The following ST7 variants were observed in gnomAD, a reference collection of about 807,000 sequenced individuals.
ST7 encodes the protein suppressor of tumorigenicity 7 protein.
ST7 carries 28 observed loss-of-function variants against 78.7 expected under a neutral mutation model. That is an observed-to-expected ratio of 0.36 (90% CI 0.26 to 0.49). The LOEUF (loss-of-function observed/expected upper bound fraction) is 0.49, where lower values mean the gene tolerates loss of function less well. Ranked by LOEUF, ST7 falls within the 20% of genes least tolerant of loss-of-function variation. ST7 has a pLI of 0.99. For synonymous variants in ST7, 247 were observed against 249.6 expected, an observed-to-expected ratio of 0.99 and a Z score of 0.10; for missense variants, 418 against 696.0, an observed-to-expected ratio of 0.60 and a Z score of 4.49.
chr7:117,122,771 G>A (rs945362827), intron 3 of ST7, among the ~76,000 whole-genome samples: 8 of 152,166 alleles, frequency 5.3e-5, no homozygotes, highest in African/African-American at 1.9e-4. Flanking sequence ...TGCTAGTTTG[G>A]AAGTGCCAGA....
chr7:117,020,532 C>T (rs956172870), intron 1 of ST7: 2 of 1,530,810 alleles, frequency 1.3e-6, no homozygotes, highest in African/African-American at 2.8e-5. Context: ...CACATGTACA[C>T]TCTCCTCGCT....
intron 2 of ST7, among the ~76,000 whole-genome samples, chr7:117,103,199 A>G (rs565349179): frequency 6.6e-6 from 1 of 152,300 alleles, no homozygotes; most frequent in South Asian, 2.1e-4. Flanking sequence ...TACTTATTTA[A>G]TGCAATCCCT....
In ST7 at chr7:117,189,888, C is replaced by T. The variant is rs374007714; in HGVS notation, c.1151+495C>T. ...CAATGGTACGTTTGCCTATTTTGTT[C>T]AGGCAGGTGACTATGACATATAGAC... On this transcript the variant is annotated intron_variant, in intron 11 of 15. Coordinates refer to ENST00000323984, the MANE Select transcript of ST7 (RefSeq NM_001369598.1). Among the ~76,000 whole-genome samples, 13 of 152,130 alleles carry T rather than the reference C, an allele frequency of 8.5e-5. No individual in the cohort carries two copies. The East Asian group carries it at 1.4e-3, about 16-fold the overall frequency.
chr7:117,162,502 G>C (rs530531825), intron 9 of ST7, among the ~76,000 whole-genome samples: 1 of 148,326 alleles, frequency 6.7e-6, no homozygotes, highest in African/African-American at 2.5e-5. Flanking sequence ...ATCCGCACAC[G>C]GGGGATATTT....
At chr7:116,972,428 T>C in intron 1 of ST7, 1 of 724,968 alleles carries the variant, frequency 1.4e-6, no homozygotes, top group Non-Finnish European at 2.4e-6. Flanking sequence ...TCCATCAGTC[T>C]GATCTGCTCA....
intron 2 of ST7, among the ~76,000 whole-genome samples, chr7:117,103,410 G>GC (rs1394015392): frequency 6.6e-6 from 1 of 152,144 alleles, no homozygotes; most frequent in Non-Finnish European, 1.5e-5. Context: ...CAGACACATA[G>GC]CAATGGAACA....
chr7:117,180,050 C>A (rs1808632902), intron 10 of ST7, among the ~76,000 whole-genome samples: 1 of 152,194 alleles, frequency 6.6e-6, no homozygotes, highest in Admixed American at 6.6e-5. Flanking sequence ...AAATGGGAAT[C>A]CTAGTGCAGA....
At chr7:116,981,798 A>C (rs553646835) in intron 1 of ST7, among the ~76,000 whole-genome samples, 1 of 152,348 alleles carries the variant, frequency 6.6e-6, no homozygotes, top group Non-Finnish European at 1.5e-5. Flanking sequence ...TACATAAACC[A>C]GGAATATAGT....
At chr7:117,036,765 C>T (rs2116242936) in intron 1 of ST7, among the ~76,000 whole-genome samples, 1 of 152,100 alleles carries the variant, frequency 6.6e-6, no homozygotes. Context: ...TTTGGCTGCC[C>T]ACTTGGTATT....
At chr7:117,064,533 G>A (rs560856293) in intron 1 of ST7, among the ~76,000 whole-genome samples, 3 of 152,254 alleles carry the variant, frequency 2.0e-5, no homozygotes, top group East Asian at 3.9e-4. Context: ...CAACGTGTTG[G>A]GGTTTGCAGG....
At chr7:117,205,389 T>G (rs1034754322) in intron 12 of ST7, among the ~76,000 whole-genome samples, 1 of 152,228 alleles carries the variant, frequency 6.6e-6, no homozygotes, top group Admixed American at 6.5e-5. Flanking sequence ...CCTGTTTTTT[T>G]TCACATTTTG....
intron 9 of ST7, among the ~76,000 whole-genome samples, chr7:117,158,268 G>T (rs912537242): frequency 4.6e-5 from 7 of 152,176 alleles, no homozygotes; most frequent in African/African-American, 1.7e-4. Flanking sequence ...AAACGGAAAA[G>T]GAAGTTTTAC....
intron 1 of ST7, chr7:117,022,926 G>C (rs1454391279): frequency 1.3e-5 from 2 of 152,122 alleles, no homozygotes; most frequent in African/African-American, 4.8e-5. Context: ...TCAAAATACA[G>C]AACATTTCCA....
At chr7:117,143,721 A>G (rs1030134063) in intron 9 of ST7, among the ~76,000 whole-genome samples, 12 of 152,168 alleles carry the variant, frequency 7.9e-5, no homozygotes, top group Admixed American at 5.2e-4. Flanking sequence ...TTTAGTACTC[A>G]CCTCACAGGG....
At chr7:117,117,883 G>A (rs1280971121) in intron 2 of ST7, 2 of 152,124 alleles carry the variant, frequency 1.3e-5, no homozygotes, top group East Asian at 1.9e-4. Context: ...AGAAACCGAC[G>A]TTCAGATAAT....
intron 1 of ST7, among the ~76,000 whole-genome samples, chr7:116,963,945 G>A (rs1283203527): frequency 6.6e-6 from 1 of 152,060 alleles, no homozygotes; most frequent in Non-Finnish European, 1.5e-5. Flanking sequence ...AAAAGACTGT[G>A]GTTAAGTATC....
chr7:117,084,776 C>T lies in ST7; in HGVS notation c.152-14986C>T, dbSNP rs114426990. Among the ~76,000 whole-genome samples, 1,214 of 152,036 alleles carry T rather than the reference C, an allele frequency of 8.0e-3. 15 individuals are homozygous for T. The highest frequency in any genetic ancestry group is 0.028 in the African/African-American group (1,167 of 41,460). On this transcript the variant is annotated intron_variant, in intron 1 of 15. Coordinates refer to ENST00000323984, the MANE Select transcript of ST7 (RefSeq NM_001369598.1). The stretch of plus-strand genomic sequence containing the variant: ...GTGGGAGGAAGTAAAGTTCAAGTAC[C>T]AATAATAATTTTCAACCATTACAAA...
At chr7:117,202,876 C>CGT (rs112183680) in intron 12 of ST7, among the ~76,000 whole-genome samples, 1 of 151,400 alleles carries the variant, frequency 6.6e-6, no homozygotes, top group Non-Finnish European at 1.5e-5. Flanking sequence ...TTTTTCCCCC[C>CGT]CTCAGTATCT....
At chr7:117,090,968 C>CACCAATA (rs1157898691) in intron 1 of ST7, 2 of 159,084 alleles carry the variant, frequency 1.3e-5, no homozygotes, top group African/African-American at 4.8e-5. Flanking sequence ...ACAGTTTGCG[C>CACCAATA]CAGTATAGTT....
Sources: allele counts gnomAD v4.1 joint callset (sites outside exome capture counted in the v4.1 genomes callset), GRCh38; gene constraint gnomAD v4.1.1; transcripts MANE v1.5; gene names NCBI Gene and HGNC (gene_info 2026-07-23, HGNC 2026-07-21).